PDK1: variants seen among roughly 807,000 people sequenced by gnomAD.
The protein encoded by PDK1 is [Pyruvate dehydrogenase (acetyl-transferring)] kinase isozyme 1, mitochondrial.
In PDK1, 39 loss-of-function variants were observed where a neutral mutation model predicts 54.2. That is an observed-to-expected ratio of 0.72 (90% CI 0.56 to 0.94). PDK1 has a LOEUF of 0.94. PDK1 is among the 40% of genes least tolerant of loss of function. PDK1 has a pLI of 0.00. For synonymous variants in PDK1, 221 were observed against 207.1 expected (o/e 1.07, Z -0.58); for missense variants, 552 against 566.0 (o/e 0.98, Z 0.25).
rs1691361690 is a variant in PDK1 at position 172,608,367 on chromosome 2, C to T, written c.*12398C>T. The T allele has an allele frequency of 6.6e-6, 1 of 152,244 alleles. No homozygotes were observed. Among genetic ancestry groups the T allele is most frequent in the East Asian group, 1.9e-4 (1 of 5,190 alleles). The allele number at this position is 152,244 out of a possible 1,614,324, so 9.4% of individuals were successfully genotyped here. A position where few individuals can be genotyped will look rare whatever the true frequency, so the allele number is the denominator to read the frequency against. On this transcript the variant is annotated 3_prime_UTR_variant, in exon 11 of 11. Transcript: ENST00000282077. Reference sequence around the variant, plus strand: ...ATTATATAGCTAGTTTACTCTTCCACCCCCAAGATTCTGGGGTATTTTGGC... The same window carrying T: ...ATTATATAGCTAGTTTACTCTTCCATCCCCAAGATTCTGGGGTATTTTGGC...
the PDK1 span, chr2:172,674,203 G>C: frequency 6.6e-6 from 1 of 152,550 alleles, no homozygotes; most frequent in African/African-American, 2.4e-5. Flanking sequence ...GCCGCAGGTG[G>C]CGCAGTTAGC....
the PDK1 span, among the ~76,000 whole-genome samples, chr2:172,696,589 A>G: frequency 3.3e-5 from 5 of 152,232 alleles, no homozygotes; most frequent in Admixed American, 6.5e-5. Context: ...ATGCGTTAGT[A>G]TGATGACATA....
At chr2:172,590,034 C>T (rs952797072) in intron 9 of PDK1, among the ~76,000 whole-genome samples, 3 of 152,048 alleles carry the variant, frequency 2.0e-5, no homozygotes, top group African/African-American at 7.2e-5. Context: ...ATTTCTAAGA[C>T]AGTGGGGTAG....
the PDK1 span, among the ~76,000 whole-genome samples, chr2:172,634,721 C>T: frequency 1.3e-5 from 2 of 150,382 alleles, no homozygotes; most frequent in South Asian, 2.1e-4. Context: ...ACAAAGAATT[C>T]CTCAATCCTA....
At chr2:172,647,713 A>G in the PDK1 span, among the ~76,000 whole-genome samples, 1 of 152,184 alleles carries the variant, frequency 6.6e-6, no homozygotes, top group African/African-American at 2.4e-5. Context: ...TACCGTAATA[A>G]TTGTTGCAGG....
At chr2:172,610,162 T>C (rs1384315334), downstream of PDK1, among the ~76,000 whole-genome samples, 1 of 152,090 alleles carries the variant, frequency 6.6e-6, no homozygotes, top group East Asian at 1.9e-4. Context: ...CTGAATTATG[T>C]CTTGTCATCT....
chr2:172,631,241 C>T, the PDK1 span, among the ~76,000 whole-genome samples: 2 of 152,218 alleles, frequency 1.3e-5, no homozygotes, highest in Non-Finnish European at 2.9e-5. Flanking sequence ...CTATTTCATT[C>T]CATCCCATCC....
rs1337538817 is a variant in PDK1, at chr2:172,571,832, T to G, written c.945+1008T>G. Among the ~76,000 whole-genome samples the G allele has an allele frequency of 3.1e-4, 41 of 132,538 alleles. 3 individuals carry two copies. Among genetic ancestry groups the G allele is most frequent in the African/African-American group, 1.2e-3 (40 of 34,730 alleles). The allele number at this position is 132,538 out of a possible 152,430, so 87.0% of individuals were successfully genotyped here. ...TCTTAGTCTTTCTTTACTTTTTTTTTTTTTTTTTTTTTTTTTTGAGATGGA... is the reference window on the plus strand; with the variant it reads ...TCTTAGTCTTTCTTTACTTTTTTTTGTTTTTTTTTTTTTTTTTGAGATGGA... On this transcript the variant is annotated intron_variant, in intron 8 of 10. Transcript: ENST00000282077.
chr2:172,623,591 A>G, the PDK1 span, among the ~76,000 whole-genome samples: 1 of 152,180 alleles, frequency 6.6e-6, no homozygotes, highest in African/African-American at 2.4e-5. Flanking sequence ...TGCACTCATA[A>G]ATCATATTCC....
chr2:172,700,068 C>T, the PDK1 span, among the ~76,000 whole-genome samples: 2 of 152,168 alleles, frequency 1.3e-5, no homozygotes, highest in Admixed American at 6.5e-5. Flanking sequence ...GAGCACGGGG[C>T]TGGGGGCAAG....
At chr2:172,720,247 T>G in the PDK1 span, among the ~76,000 whole-genome samples, 1 of 151,978 alleles carries the variant, frequency 6.6e-6, no homozygotes, top group Non-Finnish European at 1.5e-5. Flanking sequence ...CCCCGATAGC[T>G]GGGATTACAG....
chr2:172,654,840 ACCTG>A, the PDK1 span, among the ~76,000 whole-genome samples: 5 of 152,064 alleles, frequency 3.3e-5, no homozygotes, highest in Non-Finnish European at 7.4e-5. Flanking sequence ...CGGCCTCCCT[ACCTG>A]GCTAGGGATA....
At chr2:172,586,113 C>T (rs1394870821) in intron 8 of PDK1, among the ~76,000 whole-genome samples, 165 bp from the exon 9 acceptor site, 4 of 149,686 alleles carry the variant, frequency 2.7e-5, no homozygotes, top group East Asian at 2.0e-4. Context: ...GAGCTGAGGT[C>T]GCACCACTGC....
the PDK1 span, among the ~76,000 whole-genome samples, chr2:172,715,917 T>A: frequency 2.0e-5 from 3 of 152,222 alleles, no homozygotes; most frequent in Non-Finnish European, 4.4e-5. Context: ...ACTATCATGC[T>A]GTTTTCCTAA....
chr2:172,602,884 C>A lies in PDK1; in HGVS notation c.*6915C>A, dbSNP rs10048707. The A allele has an allele frequency of 0.18, 26,730 of 152,106 alleles. 2,819 individuals carry two copies. Among genetic ancestry groups the A allele is most frequent in the African/African-American group, 0.28 (11,595 of 41,452 alleles). The allele number at this position is 152,106 out of a possible 1,614,324, so 9.4% of individuals were successfully genotyped here. A position where few individuals can be genotyped will look rare whatever the true frequency, so the allele number is the denominator to read the frequency against. ...AAAGCAACAAATAGGAACAACCACC[C>A]ATTAAGAACCATCAGGTGATGCCTC... On this transcript the variant is annotated 3_prime_UTR_variant, in exon 11 of 11. Transcript: ENST00000282077.
chr2:172,620,044 T>G, the PDK1 span, among the ~76,000 whole-genome samples: 1 of 152,166 alleles, frequency 6.6e-6, no homozygotes, highest in Non-Finnish European at 1.5e-5. Context: ...CGTTCACCTG[T>G]AATCCTAGCT....
chr2:172,650,132 C>T, the PDK1 span, among the ~76,000 whole-genome samples: 18 of 152,290 alleles, frequency 1.2e-4, no homozygotes, highest in East Asian at 7.7e-4. Context: ...AGACTAACAG[C>T]GGATCTCTCT....
the PDK1 span, among the ~76,000 whole-genome samples, chr2:172,645,240 TGTACACA>T: frequency 7.0e-6 from 1 of 143,252 alleles, no homozygotes; most frequent in Non-Finnish European, 1.5e-5. Context: ...GGCTTAGCAA[TGTACACA>T]GTACAAAATA....
chr2:172,587,336 T>C (rs2149278924), intron 9 of PDK1, among the ~76,000 whole-genome samples: 1 of 152,222 alleles, frequency 6.6e-6, no homozygotes, highest in East Asian at 1.9e-4. Flanking sequence ...ACGGAGAGTG[T>C]TACAGCTCAT....
Sources: allele counts gnomAD v4.1 joint callset (sites outside exome capture counted in the v4.1 genomes callset), GRCh38; gene constraint gnomAD v4.1.1; transcripts MANE v1.5; gene names NCBI Gene and HGNC (gene_info 2026-07-23, HGNC 2026-07-21).